SERPINA12: variants seen among roughly 807,000 people sequenced by gnomAD.
SERPINA12 encodes serpin family A member 12.
SERPINA12 carries 21 observed loss-of-function variants against 25.9 expected under a neutral mutation model. The ratio of observed to expected loss-of-function variants is 0.81; its 90% CI spans 0.58 to 1.17. The LOEUF (loss-of-function observed/expected upper bound fraction) is 1.17, where lower values mean the gene tolerates loss of function less well. Among genes scored for constraint, SERPINA12 ranks in the 50% most tolerant of loss-of-function variants. The probability of loss-of-function intolerance (pLI) is 0.00; values close to 1 mark genes in which losing one functional copy is unlikely to be tolerated. For missense variants in SERPINA12, 562 were observed against 508.3 expected (o/e 1.11, Z -1.02); for synonymous variants, 220 against 196.0 (o/e 1.12, Z -1.02).
At chr14:94,509,917 G>A (rs1028226268), upstream of SERPINA12, 8 of 919,300 alleles carry the variant, frequency 8.7e-6, no homozygotes, top group Admixed American at 6.2e-5. Context: ...ACAGGAATGG[G>A]TGTGGGCACC....
Position 94,496,656 on chromosome 14 carries a change from A to G in SERPINA12, c.635-13T>C. ...TGTTTCCACCTGGCTTAGATTGAAG[A>G]AAGACAAACAGACATGTTATCCCAA... On this transcript the variant is annotated splice_polypyrimidine_tract_variant and intron_variant, in intron 2 of 4. Coordinates refer to ENST00000677451, the MANE Select transcript of SERPINA12 (RefSeq NM_001382267.1). 6.2e-7 allele frequency: 1 copy of G among 1,612,024 alleles called. No individual in the cohort carries two copies. Among genetic ancestry groups the G allele is most frequent in the Non-Finnish European group, 8.5e-7 (1 of 1,178,724 alleles).
At chr14:94,504,879 T>C (rs1900877993) in intron 1 of SERPINA12, among the ~76,000 whole-genome samples, 1 of 152,198 alleles carries the variant, frequency 6.6e-6, no homozygotes, top group East Asian at 1.9e-4. Flanking sequence ...GATATTACTT[T>C]AGGATTAATT....
At chr14:94,490,791 C>T (rs1229564990) in intron 3 of SERPINA12, among the ~76,000 whole-genome samples, 2 of 152,174 alleles carry the variant, frequency 1.3e-5, no homozygotes, top group Non-Finnish European at 2.9e-5. Context: ...GCCCCACGTC[C>T]CAGAGCCAGC....
intron 1 of SERPINA12, among the ~76,000 whole-genome samples, chr14:94,499,275 C>T (rs1317103294): frequency 6.6e-6 from 1 of 152,120 alleles, no homozygotes; most frequent in African/African-American, 2.4e-5. Context: ...AGGATGGCAC[C>T]ATGGGAGAGG....
rs189357416 is a variant in SERPINA12, at chr14:94,492,696, G to A, written c.906-2929C>T. 2.6e-5 allele frequency among the ~76,000 whole-genome samples: 4 copies of A among 152,322 alleles called. No individual in the cohort carries two copies. In the South Asian group the frequency reaches 6.2e-4, roughly 24 times the overall value. On this transcript the variant is annotated intron_variant, in intron 3 of 4. Transcript: ENST00000677451. ...ATCGGCTTTAGTTTGTGCCAACGTG[G>A]GAAGGCACTAAGTGCAGCTGTGCTG...
intron 1 of SERPINA12, among the ~76,000 whole-genome samples, chr14:94,517,229 G>A (rs1208529373): frequency 6.6e-6 from 1 of 152,232 alleles, no homozygotes; most frequent in Non-Finnish European, 1.5e-5. Context: ...GCCTGTCGCA[G>A]CAGGGAGCAC....
intron 3 of SERPINA12, among the ~76,000 whole-genome samples, chr14:94,490,840 A>G (rs948064116): frequency 6.6e-6 from 1 of 152,118 alleles, no homozygotes; most frequent in Non-Finnish European, 1.5e-5. Context: ...CCTTTCTCCA[A>G]GGTGAAGCAT....
chr14:94,505,930 C>T (rs768464632), intron 1 of SERPINA12, among the ~76,000 whole-genome samples: 16 of 152,178 alleles, frequency 1.1e-4, no homozygotes, highest in Non-Finnish European at 2.2e-4. Flanking sequence ...GCCTGTCCTG[C>T]CTGGGGAAAA....
intron 1 of SERPINA12, among the ~76,000 whole-genome samples, chr14:94,516,910 G>C (rs536401985): frequency 6.6e-6 from 1 of 152,046 alleles, no homozygotes; most frequent in Non-Finnish European, 1.5e-5. Context: ...AGTTTCTATA[G>C]GAAGGGCAGG....
At chr14:94,490,197 T>A (rs1900110275) in intron 3 of SERPINA12, among the ~76,000 whole-genome samples, 1 of 152,190 alleles carries the variant, frequency 6.6e-6, no homozygotes, top group South Asian at 2.1e-4. Flanking sequence ...CTGCCTCTCA[T>A]GAGCTCTGTG....
At chr14:94,508,657 G>A (rs1401889633) in intron 1 of SERPINA12, among the ~76,000 whole-genome samples, 1 of 152,166 alleles carries the variant, frequency 6.6e-6, no homozygotes, top group East Asian at 1.9e-4. Flanking sequence ...TTTTTGCAAC[G>A]TGTTAAAACT....
chr14:94,512,711 T>C (rs1901141550), upstream of SERPINA12, among the ~76,000 whole-genome samples: 1 of 152,106 alleles, frequency 6.6e-6, no homozygotes, highest in Admixed American at 6.5e-5. Context: ...AAAAATCAAA[T>C]GTTAAGGATG....
intron 1 of SERPINA12, among the ~76,000 whole-genome samples, chr14:94,506,533 G>A (rs780693373): frequency 2.0e-5 from 3 of 152,212 alleles, no homozygotes; most frequent in Admixed American, 6.5e-5. Context: ...AAAACTGAGA[G>A]CAAGAGAAGT....
At chr14:94,493,241 G>A (rs998699505) in intron 3 of SERPINA12, among the ~76,000 whole-genome samples, 2 of 152,146 alleles carry the variant, frequency 1.3e-5, no homozygotes, top group African/African-American at 4.8e-5. Context: ...AGGTAGGAAT[G>A]TTTGTTCCTA....
chr14:94,514,352 C>T (rs1324159813), upstream of SERPINA12, among the ~76,000 whole-genome samples: 2 of 152,256 alleles, frequency 1.3e-5, no homozygotes, highest in Non-Finnish European at 2.9e-5. Flanking sequence ...CAGCCTTGGG[C>T]ATGCCAGGCC....
chr14:94,505,466 C>T (rs1031272547), intron 1 of SERPINA12, among the ~76,000 whole-genome samples: 3 of 152,202 alleles, frequency 2.0e-5, no homozygotes, highest in African/African-American at 7.2e-5. Flanking sequence ...ACCATGTGAA[C>T]GGCGAGATGA....
chr14:94,511,918 T>G (rs1020970508), upstream of SERPINA12, among the ~76,000 whole-genome samples: 20 of 151,958 alleles, frequency 1.3e-4, no homozygotes, highest in African/African-American at 4.8e-4. Context: ...GCCAATATGG[T>G]AAAACCCCAT....
intron 1 of SERPINA12, among the ~76,000 whole-genome samples, chr14:94,507,833 C>T (rs890479262): frequency 6.6e-6 from 1 of 152,150 alleles, no homozygotes; most frequent in Non-Finnish European, 1.5e-5. Flanking sequence ...TTCATTGTAC[C>T]TCAGGGTATA....
At chr14:94,494,579 AT>A (rs971401919) in intron 3 of SERPINA12, among the ~76,000 whole-genome samples, 39 of 152,126 alleles carry the variant, frequency 2.6e-4, no homozygotes, top group African/African-American at 9.4e-4. Context: ...CACTGGGAAC[AT>A]CTTCTGCAGT....
Sources: gnomAD v4.1 joint callset for allele counts (sites outside exome capture counted in the v4.1 genomes callset) on GRCh38, gnomAD v4.1.1 for gene constraint, MANE v1.5 for transcripts, NCBI Gene and HGNC (gene_info 2026-07-23, HGNC 2026-07-21) for gene names.